The following CERS4 variants were observed in gnomAD, a reference collection of about 807,000 sequenced individuals.
The protein encoded by CERS4 is ceramide synthase 4, also known as LAG1 homolog, ceramide synthase 4.
In CERS4, 65 loss-of-function variants were observed where a neutral mutation model predicts 51.8. The ratio of observed to expected loss-of-function variants is 1.26; its 90% CI spans 1.03 to 1.54. The LOEUF is 1.54. CERS4 is among the 40% of genes most tolerant of loss of function. The probability of loss-of-function intolerance (pLI) is 0.00; values close to 1 mark genes in which losing one functional copy is unlikely to be tolerated. For missense variants in CERS4, 563 were observed against 500.4 expected, an observed-to-expected ratio of 1.13 and a Z score of -1.19; for synonymous variants, 228 against 208.4, an observed-to-expected ratio of 1.09 and a Z score of -0.81.
chr19:8,238,595 C>T, intron 2 of CERS4: 1 of 985,268 alleles, frequency 1.0e-6, no homozygotes. Flanking sequence ...TTCCTTCCCA[C>T]AGCAGGCACC....
chr19:8,213,201 G>A (rs1030760282), intron 2 of CERS4, among the ~76,000 whole-genome samples: 4 of 151,762 alleles, frequency 2.6e-5, no homozygotes, highest in African/African-American at 4.8e-5. Context: ...GCATTTTTTT[G>A]TAGTGATTTT....
intron 2 of CERS4, among the ~76,000 whole-genome samples, chr19:8,227,466 C>T (rs904617550): frequency 8.6e-5 from 13 of 151,920 alleles, no homozygotes; most frequent in African/African-American, 2.9e-4. Context: ...TTCCAAGTAT[C>T]TGGGACTTAC....
At chr19:8,240,234 C>T (rs568901962) in intron 2 of CERS4, among the ~76,000 whole-genome samples, 11 of 152,110 alleles carry the variant, frequency 7.2e-5, no homozygotes, top group Admixed American at 5.9e-4. Flanking sequence ...GCAGCAGGGC[C>T]AGAATGTAGA....
At chr19:8,226,164 T>G (rs1225878180) in intron 2 of CERS4, among the ~76,000 whole-genome samples, 1 of 151,932 alleles carries the variant, frequency 6.6e-6, no homozygotes, top group East Asian at 1.9e-4. Flanking sequence ...ACCACTGCAC[T>G]CCACTCCAGC....
At chr19:8,254,313 A>C (rs1599585221) in intron 3 of CERS4, among the ~76,000 whole-genome samples, 186 bp from the exon 4 acceptor site, 2 of 87,494 alleles carry the variant, frequency 2.3e-5, no homozygotes, top group African/African-American at 4.5e-5. Context: ...ACAGTGCAAT[A>C]CTCTGTCTCA....
intron 2 of CERS4, chr19:8,239,651 C>T (rs905685971): frequency 6.6e-6 from 1 of 152,138 alleles, no homozygotes; most frequent in East Asian, 1.9e-4. Flanking sequence ...TGTGATCTGT[C>T]TCTAGTCATT....
In CERS4 at chr19:8,261,718, C is replaced by T; in HGVS notation, c.879C>T (p.Ile293=). The T allele has an allele frequency of 4.3e-6, 7 of 1,614,158 alleles. No homozygotes were observed. The highest frequency in any genetic ancestry group is 5.1e-6 in the Non-Finnish European group (6 of 1,180,024). ...TCTACACCACATACTACGAGTCCAT[C>T]AGCAACAGGGGCCCCTTCTTCGGCT... ...QILYTTYYES[I]SNRGPFFGYY... The change falls in exon 11 of 12, where the codon ATC becomes ATT. Residue 293 remains isoleucine (I), a synonymous_variant. Transcript: ENST00000251363.
chr19:8,242,509 C>T (rs1255188962), intron 2 of CERS4, among the ~76,000 whole-genome samples: 2 of 152,182 alleles, frequency 1.3e-5, no homozygotes, highest in African/African-American at 2.4e-5. Context: ...TGGCCAGCTC[C>T]TGACATCACA....
Position 8,262,261 on chromosome 19 carries a change from T to TTC in CERS4, c.*153_*154dup, listed in dbSNP as rs530818346. The TTC allele has an allele frequency of 9.5e-5, 73 of 767,560 alleles. No individual in the cohort carries two copies. In the African/African-American group the frequency reaches 1.2e-3, roughly 12 times the overall value. 47.5% of individuals were successfully genotyped at this position (767,560 alleles called of 1,614,324 possible). ...AGGCTGATGATCTGTCTCCAGCCCC[T>TTC]TCCTTCTGCCCACCCACCCTTCTTC... On this transcript the variant is annotated 3_prime_UTR_variant, in exon 12 of 12. Transcript: ENST00000251363.
rs1568523542 is a variant in CERS4 at position 8,245,128 on chromosome 19, A to AAAAAAACAAAAAAAAACAAAAAC, written c.-1-5942_-1-5941insCAAAAAAAAACAAAAACAAAAAA. Reference sequence around the variant, plus strand: ...CTCCATCTCAAAAAAAAAAAAAAAAAAAAAAAACACTCTTGGCTTCAAGCA... The same window carrying AAAAAAACAAAAAAAAACAAAAAC: ...CTCCATCTCAAAAAAAAAAAAAAAAAAAAAAACAAAAAAAAACAAAAACAAAAAAACACTCTTGGCTTCAAGCA... On this transcript the variant is annotated intron_variant, in intron 2 of 11. Transcript: ENST00000251363. Among the ~76,000 whole-genome samples the AAAAAAACAAAAAAAAACAAAAAC allele has an allele frequency of 1.3e-3, 24 of 18,876 alleles. 1 individual carries two copies. Among genetic ancestry groups the AAAAAAACAAAAAAAAACAAAAAC allele is most frequent in the African/African-American group, 2.9e-3 (24 of 8,148 alleles). 12.4% of individuals were successfully genotyped at this position (18,876 alleles called of 152,430 possible).
chr19:8,220,961 A>G (rs1967511715), intron 2 of CERS4, among the ~76,000 whole-genome samples: 1 of 151,590 alleles, frequency 6.6e-6, no homozygotes, highest in African/African-American at 2.4e-5. Context: ...AGCTGGGACT[A>G]TAGGCGCCCG....
In CERS4 at chr19:8,250,211, G is replaced by T. The variant is rs555959457; in HGVS notation, c.-1-865G>T. Reference sequence around the variant, plus strand: ...GCTGGTCTCAAACTCCTGACCTGAAGTGATCTGCCCACCTCAGCCTCCCAC... The same window carrying T: ...GCTGGTCTCAAACTCCTGACCTGAATTGATCTGCCCACCTCAGCCTCCCAC... On this transcript the variant is annotated intron_variant, in intron 2 of 11. Transcript: ENST00000251363. Among the ~76,000 whole-genome samples, 6 of 152,210 alleles carry T rather than the reference G, an allele frequency of 3.9e-5. No individual in the cohort carries two copies. In the South Asian group the frequency reaches 1.2e-3, roughly 32 times the overall value.
chr19:8,257,562 C>T (rs1969461813), intron 9 of CERS4, among the ~76,000 whole-genome samples: 1 of 152,218 alleles, frequency 6.6e-6, no homozygotes, highest in South Asian at 2.1e-4. Context: ...TCCCAAGAAG[C>T]TGGGATTACA....
chr19:8,255,625 G>A lies in CERS4; in HGVS notation c.310G>A (p.Ala104Thr), dbSNP rs760890626. Residue 104 changes from alanine to threonine, a missense_variant, in exon 5 of 12, where the codon GCC becomes ACC. Coordinates refer to ENST00000251363, the MANE Select transcript of CERS4 (RefSeq NM_024552.3). The part of the protein sequence containing the change: ...RPKEPQLSLL[A>T]AQCGLTLQQT... ...TCCCCAGCCCCAGCTGTCTCTCCTG[G>A]CCGCCCAGTGTGGCCTCACGCTGCA... 10 of 1,612,156 alleles carry A rather than the reference G, an allele frequency of 6.2e-6. No homozygotes were observed. Among genetic ancestry groups the A allele is most frequent in the South Asian group, 1.1e-5 (1 of 90,960 alleles).
At chr19:8,259,589 G>C (rs1394203238) in intron 10 of CERS4, among the ~76,000 whole-genome samples, 3 of 152,068 alleles carry the variant, frequency 2.0e-5, no homozygotes, top group Non-Finnish European at 2.9e-5. Context: ...GGGGACCCAG[G>C]GTAGGCGAGA....
Position 8,262,298 on chromosome 19 carries a change from C to T in CERS4, c.*189C>T. 1.9e-6 allele frequency: 1 copy of T among 515,396 alleles called. No homozygotes were observed. Among genetic ancestry groups the T allele is most frequent in the Non-Finnish European group, 3.1e-6 (1 of 320,618 alleles). The allele number at this position is 515,396 out of a possible 1,614,324, so 31.9% of individuals were successfully genotyped here. A position where few individuals can be genotyped will look rare whatever the true frequency, so the allele number is the denominator to read the frequency against. On this transcript the variant is annotated 3_prime_UTR_variant, in exon 12 of 12. Transcript: ENST00000251363. ...ACCCACCCTTCTTCCCTCTGGGCAA[C>T]TGGACAGATCTGGGAGCCAGCAGCT...
intron 8 of CERS4, 86 bp downstream of exon 8, chr19:8,256,796 T>G: frequency 1.3e-6 from 2 of 1,567,878 alleles, no homozygotes; most frequent in Non-Finnish European, 1.7e-6. Flanking sequence ...CAACCGCACC[T>G]TGAGAGCTCC....
At chr19:8,248,791 G>A (rs899997322) in intron 2 of CERS4, among the ~76,000 whole-genome samples, 1 of 151,018 alleles carries the variant, frequency 6.6e-6, no homozygotes, top group African/African-American at 2.4e-5. Context: ...TGGATGAATG[G>A]GTAGGTGGAT....
chr19:8,232,885 G>A lies in CERS4; in HGVS notation c.-1-18191G>A, dbSNP rs61432372. Among the ~76,000 whole-genome samples, 106 of 133,578 alleles carry A rather than the reference G, an allele frequency of 7.9e-4. No homozygotes were observed. The East Asian group carries it at 0.021, about 26-fold the overall frequency. The allele number at this position is 133,578 out of a possible 152,430, so 87.6% of individuals were successfully genotyped here. A position where few individuals can be genotyped will look rare whatever the true frequency, so the allele number is the denominator to read the frequency against. ...CTACAGGGAGACACCACCATGCCTC[G>A]CTGATTTTTTTTTTTTTTTTTTTTT... On this transcript the variant is annotated intron_variant, in intron 2 of 11. Transcript: ENST00000251363.
Sources: gnomAD v4.1 joint callset for allele counts (sites outside exome capture counted in the v4.1 genomes callset) on GRCh38, gnomAD v4.1.1 for gene constraint, MANE v1.5 for transcripts, NCBI Gene and HGNC (gene_info 2026-07-23, HGNC 2026-07-21) for gene names.